The following TRPS1 variants were observed in gnomAD, a reference collection of about 807,000 sequenced individuals.
The protein encoded by TRPS1 is zinc finger transcription factor Trps1.
TRPS1 carries 6 observed loss-of-function variants against 101.2 expected under a neutral mutation model. The observed-to-expected ratio is 0.06, with a 90% CI of 0.03 to 0.12. The LOEUF (loss-of-function observed/expected upper bound fraction) is 0.12. TRPS1 is among the 10% of genes least tolerant of loss of function. The pLI is 1.00. For missense variants in TRPS1, 1,363 were observed against 1,567.0 expected, an observed-to-expected ratio of 0.87 and a Z score of 2.20; for synonymous variants, 578 against 589.8, an observed-to-expected ratio of 0.98 and a Z score of 0.29.
chr8:115,624,280 G>A (rs1818458953), intron 1 of TRPS1, among the ~76,000 whole-genome samples: 1 of 151,940 alleles, frequency 6.6e-6, no homozygotes, highest in Non-Finnish European at 1.5e-5. Context: ...AGTCTACTAT[G>A]AATTGCCATT....
At chr8:115,529,012 C>T (rs544465868) in intron 5 of TRPS1, among the ~76,000 whole-genome samples, 2 of 152,000 alleles carry the variant, frequency 1.3e-5, no homozygotes, top group African/African-American at 4.8e-5. Flanking sequence ...AGAACAGTAT[C>T]ACTGGCATCA....
intron 5 of TRPS1, among the ~76,000 whole-genome samples, chr8:115,477,889 C>T (rs1240132854): frequency 1.3e-5 from 2 of 151,924 alleles, no homozygotes; most frequent in Non-Finnish European, 2.9e-5. Flanking sequence ...CTTTTCCATG[C>T]CATGGTATAT....
chr8:115,528,671 C>T (rs1816058674), intron 5 of TRPS1, among the ~76,000 whole-genome samples: 1 of 151,642 alleles, frequency 6.6e-6, no homozygotes, highest in Admixed American at 6.6e-5. Flanking sequence ...CAAAACTAAC[C>T]CAGTAGACAG....
chr8:115,630,182 C>T (rs533238471), intron 1 of TRPS1, among the ~76,000 whole-genome samples: 1 of 152,022 alleles, frequency 6.6e-6, no homozygotes, highest in East Asian at 1.9e-4. Context: ...CTTCTGGACC[C>T]ATCCCACACA....
At chr8:115,636,910 T>C (rs1586481640) in intron 1 of TRPS1, among the ~76,000 whole-genome samples, 1 of 140,552 alleles carries the variant, frequency 7.1e-6, no homozygotes, top group African/African-American at 3.0e-5. Flanking sequence ...AGACTCTATC[T>C]AAAAAACAAA....
At position 115,604,939 on chromosome 8, in the gene TRPS1, T is replaced by G. The variant is rs1444477110; in HGVS notation, c.1030A>C (p.Lys344Gln). ...RKTPDCQGNT[K>Q]YFRCKFCNFT... is the part of the protein sequence containing the mutation. ...TTGCAGAATTTACAGCGGAAATACT[T>G]GGTGTTCCCTTGGCAATCTGGTGTT... Residue 344 changes from lysine (K) to glutamine (Q), a missense_variant, in exon 4 of 7, where the codon AAG becomes CAG. Lys to Gln is a moderately conservative substitution (Grantham distance 53). Coordinates refer to ENST00000395715, the MANE Select transcript of TRPS1 (RefSeq NM_014112.5). The surrounding 1 kb of genome is among the most constrained non-coding windows in gnomAD (Gnocchi z 4.1). 1 of 1,613,902 alleles carries G rather than the reference T, an allele frequency of 6.2e-7. No individual in the cohort carries two copies. Among genetic ancestry groups the G allele is most frequent in the Non-Finnish European group, 8.5e-7 (1 of 1,179,960 alleles).
intron 5 of TRPS1, among the ~76,000 whole-genome samples, chr8:115,563,407 C>T (rs1023035323): frequency 3.3e-5 from 5 of 152,018 alleles, no homozygotes; most frequent in East Asian, 1.9e-4. Context: ...TTCAGATTTA[C>T]GTCAAGGTTC....
At chr8:115,488,889 T>A (rs1355996647) in intron 5 of TRPS1, among the ~76,000 whole-genome samples, 1 of 152,178 alleles carries the variant, frequency 6.6e-6, no homozygotes, top group East Asian at 1.9e-4. Flanking sequence ...TAAATGAGGT[T>A]ATGTATTAAT....
At chr8:115,605,669 AC>A (rs1390093327) in intron 3 of TRPS1, among the ~76,000 whole-genome samples, 6 of 152,304 alleles carry the variant, frequency 3.9e-5, no homozygotes, top group African/African-American at 1.4e-4. Context: ...TCTAGAACAA[AC>A]AAAAAAAAAG....
intron 5 of TRPS1, among the ~76,000 whole-genome samples, chr8:115,439,669 G>A (rs929319303): frequency 1.3e-5 from 2 of 152,066 alleles, no homozygotes; most frequent in African/African-American, 4.8e-5. Flanking sequence ...TACTGTTCTG[G>A]AACAGCTGTA....
rs1482720630 is a variant in TRPS1, at chr8:115,410,268, A to G, written c.*3755T>C. The G allele has an allele frequency of 6.6e-6, 1 of 152,416 alleles. No homozygotes were observed. Among genetic ancestry groups the G allele is most frequent in the African/African-American group, 2.4e-5 (1 of 41,396 alleles). The allele number at this position is 152,416 out of a possible 1,614,324, so 9.4% of individuals were successfully genotyped here. A position where few individuals can be genotyped will look rare whatever the true frequency, so the allele number is the denominator to read the frequency against. ...ATATATATACATTTAATATTTTTGG[A>G]GCTGTATTTGCATTGGATCATAATA... On this transcript the variant is annotated 3_prime_UTR_variant, in exon 7 of 7. Coordinates refer to ENST00000395715, the MANE Select transcript of TRPS1 (RefSeq NM_014112.5).
chr8:115,508,373 T>C (rs900591517), intron 5 of TRPS1, among the ~76,000 whole-genome samples: 3 of 152,048 alleles, frequency 2.0e-5, no homozygotes, highest in Non-Finnish European at 1.5e-5. Flanking sequence ...CTTTTTAGAG[T>C]TGACTGAAAT....
chr8:115,520,918 C>G (rs1023175576), intron 5 of TRPS1, among the ~76,000 whole-genome samples: 5 of 151,772 alleles, frequency 3.3e-5, no homozygotes, highest in African/African-American at 7.2e-5. Flanking sequence ...TATGTTTACT[C>G]TATATTTGTA....
At chr8:115,482,855 GCA>G (rs1269599265) in intron 5 of TRPS1, among the ~76,000 whole-genome samples, 1 of 152,136 alleles carries the variant, frequency 6.6e-6, no homozygotes, top group Non-Finnish European at 1.5e-5. Context: ...AAACCAAAAT[GCA>G]CAGAAAGCCA....
At position 115,418,270 on chromosome 8, in the gene TRPS1, A is replaced by G; in HGVS notation, c.2823+60T>C. The G allele has an allele frequency of 6.2e-7, 1 of 1,613,600 alleles. No homozygotes were observed. The highest frequency in any genetic ancestry group is 2.2e-5 in the East Asian group (1 of 44,860). Reference sequence around the variant, plus strand: ...GCCAGGGAATGGGACTTATCACACCACAGACCAGGCCAACACTGCTTTATA... The same window carrying G: ...GCCAGGGAATGGGACTTATCACACCGCAGACCAGGCCAACACTGCTTTATA... On this transcript the variant is annotated intron_variant, in intron 6 of 6. Coordinates refer to ENST00000395715, the MANE Select transcript of TRPS1 (RefSeq NM_014112.5). This position sits in a 1 kb window ranked among gnomAD's most constrained non-coding sequence, Gnocchi z 4.3.
At position 115,410,246 on chromosome 8, in the gene TRPS1, T is replaced by C. The variant is rs891388618; in HGVS notation, c.*3777A>G. The C allele has an allele frequency of 3.9e-5, 6 of 152,462 alleles. No homozygotes were observed. The Admixed American group carries it at 3.9e-4, about 10-fold the overall frequency. The allele number at this position is 152,462 out of a possible 1,614,324, so 9.4% of individuals were successfully genotyped here. Reference sequence around the variant, plus strand: ...GTATTTCCTCAGGCATTTTAAAATATATATACATTTAATATTTTTGGAGCT... The same window carrying C: ...GTATTTCCTCAGGCATTTTAAAATACATATACATTTAATATTTTTGGAGCT... On this transcript the variant is annotated 3_prime_UTR_variant, in exon 7 of 7. Transcript: ENST00000395715.
chr8:115,651,558 T>C (rs1811559240), intron 1 of TRPS1, among the ~76,000 whole-genome samples: 1 of 152,218 alleles, frequency 6.6e-6, no homozygotes, highest in Admixed American at 6.5e-5. Flanking sequence ...CCAAGTCATT[T>C]GTAAAGGGAA....
At chr8:115,463,092 G>A (rs1814228230) in intron 5 of TRPS1, among the ~76,000 whole-genome samples, 1 of 152,154 alleles carries the variant, frequency 6.6e-6, no homozygotes, top group Non-Finnish European at 1.5e-5. Context: ...AACTTTGTGA[G>A]AGCTGAAAAA....
chr8:115,458,939 T>C (rs769130375), intron 5 of TRPS1, among the ~76,000 whole-genome samples: 8 of 152,232 alleles, frequency 5.3e-5, no homozygotes, highest in Non-Finnish European at 8.8e-5. Flanking sequence ...AAATCACTCA[T>C]TGCATATATG....
Sources: gnomAD v4.1 joint callset for allele counts (sites outside exome capture counted in the v4.1 genomes callset) on GRCh38, gnomAD v4.1.1 for gene constraint, Gnocchi (gnomAD v3.1) non-coding constraint, MANE v1.5 for transcripts, NCBI Gene and HGNC (gene_info 2026-07-23, HGNC 2026-07-21) for gene names.